The following PPARGC1A variants were observed in gnomAD, a reference collection of about 807,000 sequenced individuals.
PPARGC1A encodes the protein PPARG coactivator 1 alpha, also known as peroxisome proliferator-activated receptor gamma coactivator 1-alpha.
PPARGC1A carries 25 observed loss-of-function variants against 88.7 expected under a neutral mutation model. The ratio of observed to expected loss-of-function variants is 0.28; its 90% confidence interval spans 0.21 to 0.39. The LOEUF (loss-of-function observed/expected upper bound fraction) is 0.39. PPARGC1A is among the 10% of genes least tolerant of loss of function. The pLI is 1.00. For missense variants in PPARGC1A, 880 were observed against 968.7 expected, an observed-to-expected ratio of 0.91 and a Z score of 1.22; for synonymous variants, 363 against 355.6, an observed-to-expected ratio of 1.02 and a Z score of -0.24.
chr4:24,158,135 T>G, the PPARGC1A span, among the ~76,000 whole-genome samples: 3 of 151,812 alleles, frequency 2.0e-5, no homozygotes, highest in Admixed American at 1.3e-4. Context: ...ATCTCTACTT[T>G]GTGAGAGATC....
At chr4:23,965,238 C>T in the PPARGC1A span, among the ~76,000 whole-genome samples, 1 of 152,310 alleles carries the variant, frequency 6.6e-6, no homozygotes, top group East Asian at 1.9e-4. Flanking sequence ...CATAGCTATA[C>T]ATCACTTTTC....
chr4:24,452,594 G>A, the PPARGC1A span, among the ~76,000 whole-genome samples: 1 of 152,142 alleles, frequency 6.6e-6, no homozygotes, highest in Non-Finnish European at 1.5e-5. Flanking sequence ...TGAGATCACT[G>A]TATTTCTGAA....
chr4:24,306,296 TAGAAA>T, the PPARGC1A span, among the ~76,000 whole-genome samples: 1 of 151,994 alleles, frequency 6.6e-6, no homozygotes, highest in Non-Finnish European at 1.5e-5. Context: ...CACAAGGTGT[TAGAAA>T]AGAGAAAGAA....
the PPARGC1A span, among the ~76,000 whole-genome samples, chr4:24,136,163 A>G: frequency 6.6e-6 from 1 of 152,222 alleles, no homozygotes; most frequent in Admixed American, 6.5e-5. Flanking sequence ...CAACATATGG[A>G]GAAGCTGTAC....
chr4:24,271,847 T>C, the PPARGC1A span, among the ~76,000 whole-genome samples: 2 of 152,072 alleles, frequency 1.3e-5, no homozygotes, highest in African/African-American at 4.8e-5. Flanking sequence ...ACCTGGAACA[T>C]GGTAAGTCCT....
the PPARGC1A span, among the ~76,000 whole-genome samples, chr4:24,384,257 C>T: frequency 5.3e-5 from 8 of 152,054 alleles, no homozygotes; most frequent in African/African-American, 1.7e-4. Flanking sequence ...GAGGAAAAAC[C>T]GATACCAGCC....
the PPARGC1A span, among the ~76,000 whole-genome samples, chr4:24,210,537 T>C: frequency 6.6e-6 from 1 of 152,220 alleles, no homozygotes; most frequent in Non-Finnish European, 1.5e-5. Context: ...TGTTATTTTT[T>C]TCCCTGGAGG....
the PPARGC1A span, among the ~76,000 whole-genome samples, chr4:24,097,007 T>C: frequency 3.3e-5 from 5 of 152,106 alleles, no homozygotes; most frequent in South Asian, 6.2e-4. Context: ...TGTGGGAGGA[T>C]TGCTTGAGCC....
At chr4:24,049,322 A>ATATATATATATATG in the PPARGC1A span, among the ~76,000 whole-genome samples, 251 of 141,960 alleles carry the variant, frequency 1.8e-3, 1 homozygote, top group Admixed American at 8.4e-3. Context: ...ATATATATAT[A>ATATATATATATATG]TGTGTGTGTG....
Position 23,801,740 on chromosome 4 carries a change from ATAGT to A in PPARGC1A, c.2279_2282del (p.Asn760MetfsTer4). The A allele has an allele frequency of 3.7e-6, 6 of 1,614,022 alleles. No individual in the cohort carries two copies. The highest frequency in any genetic ancestry group is 5.1e-6 in the Non-Finnish European group (6 of 1,179,936). Reference sequence around the variant, plus strand: ...CAATAAAATCCATACCTAGGTCTGCATAGTTAGACTTGAAAAATTGCTTGCGTCC... The same window carrying A: ...CAATAAAATCCATACCTAGGTCTGCATAGACTTGAAAAATTGCTTGCGTCC... On this transcript the variant is annotated frameshift_variant, in exon 12 of 13. Transcript: ENST00000264867. LOFTEE classifies it high-confidence loss of function.
the PPARGC1A span, among the ~76,000 whole-genome samples, chr4:24,463,233 A>G: frequency 6.6e-6 from 1 of 152,344 alleles, no homozygotes; most frequent in East Asian, 1.9e-4. Context: ...AAATGGATTA[A>G]TCTTTTAGAA....
the PPARGC1A span, among the ~76,000 whole-genome samples, chr4:24,381,487 TAATAAA>T: frequency 2.0e-4 from 30 of 152,324 alleles, no homozygotes; most frequent in African/African-American, 6.7e-4. Context: ...GTTTTTCACC[TAATAAA>T]AATATAGTCG....
the PPARGC1A span, among the ~76,000 whole-genome samples, chr4:24,467,697 C>T: frequency 1.3e-5 from 2 of 151,862 alleles, no homozygotes; most frequent in East Asian, 1.9e-4. Flanking sequence ...CACAAGCTTT[C>T]GACAACTTAC....
the PPARGC1A span, among the ~76,000 whole-genome samples, chr4:24,435,056 G>A: frequency 2.6e-5 from 4 of 152,180 alleles, no homozygotes; most frequent in East Asian, 5.8e-4. Context: ...TTTATTCACT[G>A]TCTGTCGTAA....
At chr4:24,076,692 T>C in the PPARGC1A span, among the ~76,000 whole-genome samples, 1 of 152,278 alleles carries the variant, frequency 6.6e-6, no homozygotes, top group South Asian at 2.1e-4. Flanking sequence ...GCTCATTTCC[T>C]TGTTTGCAAA....
At chr4:24,174,569 T>C in the PPARGC1A span, among the ~76,000 whole-genome samples, 1 of 152,206 alleles carries the variant, frequency 6.6e-6, no homozygotes, top group African/African-American at 2.4e-5. Context: ...AAGGCATCCA[T>C]CCCTCTTAAT....
the PPARGC1A span, among the ~76,000 whole-genome samples, chr4:23,909,115 C>G: frequency 2.2e-4 from 34 of 152,102 alleles, no homozygotes; most frequent in Admixed American, 3.9e-4. Flanking sequence ...GAAAACAGAT[C>G]TAATTAATCT....
chr4:23,967,917 C>G, the PPARGC1A span, among the ~76,000 whole-genome samples: 2 of 152,056 alleles, frequency 1.3e-5, no homozygotes, highest in East Asian at 1.9e-4. Context: ...TCAAAAGAAG[C>G]CTTCCCAGAA....
the PPARGC1A span, among the ~76,000 whole-genome samples, chr4:24,290,299 A>G: frequency 3.3e-5 from 5 of 151,906 alleles, no homozygotes; most frequent in African/African-American, 1.2e-4. Flanking sequence ...GTGATCTGTG[A>G]GATTTTGGTG....
Sources: gnomAD v4.1 joint callset for allele counts (sites outside exome capture counted in the v4.1 genomes callset) on GRCh38, gnomAD v4.1.1 for gene constraint, MANE v1.5 for transcripts, NCBI Gene and HGNC (gene_info 2026-07-23, HGNC 2026-07-21) for gene names.